Variants in MYO16 observed in about 807,000 individuals in gnomAD.
MYO16 encodes unconventional myosin-XVI.
A neutral mutation model predicts 205.3 loss-of-function variants in MYO16; 94 were observed. The ratio of observed to expected loss-of-function variants is 0.46; its 90% confidence interval spans 0.39 to 0.54. The LOEUF is 0.54. MYO16 is among the 20% of genes least tolerant of loss of function. MYO16 has a pLI of 0.00. For missense variants in MYO16, 2,315 were observed against 2,387.5 expected, an observed-to-expected ratio of 0.97 and a Z score of 0.63; for synonymous variants, 988 against 954.0, an observed-to-expected ratio of 1.04 and a Z score of -0.66.
chr13:108,833,803 T>G (rs1411884336), intron 9 of MYO16, among the ~76,000 whole-genome samples: 1 of 152,176 alleles, frequency 6.6e-6, no homozygotes, highest in Non-Finnish European at 1.5e-5. Context: ...TGCTGGTATA[T>G]TCTCATCTAT....
chr13:108,524,337 A>G, the MYO16 span, among the ~76,000 whole-genome samples: 1 of 148,900 alleles, frequency 6.7e-6, no homozygotes, highest in Non-Finnish European at 1.5e-5. Flanking sequence ...TAAATAATAA[A>G]AAATAAAGTG....
intron 12 of MYO16, among the ~76,000 whole-genome samples, chr13:108,871,252 T>C (rs968773047): frequency 6.6e-6 from 1 of 152,090 alleles, no homozygotes; most frequent in Non-Finnish European, 1.5e-5. Context: ...CCACTTATTT[T>C]CTTGAACATG....
At chr13:108,938,936 G>A (rs944699454) in intron 16 of MYO16, among the ~76,000 whole-genome samples, 1 of 152,206 alleles carries the variant, frequency 6.6e-6, no homozygotes, top group Non-Finnish European at 1.5e-5. Flanking sequence ...GGCTGGCCAT[G>A]GCTGCAAGAC....
intron 12 of MYO16, among the ~76,000 whole-genome samples, chr13:108,876,321 T>C (rs776189840): frequency 6.6e-6 from 1 of 152,156 alleles, no homozygotes; most frequent in African/African-American, 2.4e-5. Flanking sequence ...TTTTTTCACA[T>C]GTACTTTTGT....
chr13:108,754,830 C>T (rs1170815554), intron 4 of MYO16, among the ~76,000 whole-genome samples: 2 of 152,048 alleles, frequency 1.3e-5, no homozygotes, highest in Non-Finnish European at 2.9e-5. Context: ...TTACAGTGTA[C>T]ATGGTATTAG....
chr13:108,647,755 A>G lies in MYO16; in HGVS notation c.28+17883A>G, dbSNP rs1361496544. Among the ~76,000 whole-genome samples, 3 of 152,242 alleles carry G rather than the reference A, an allele frequency of 2.0e-5. No homozygotes were observed. In the East Asian group the frequency reaches 5.8e-4, roughly 29 times the overall value. ...TAGATATAGGTATATTTCAGTGACT[A>G]TCTTCTTTATCCTACTTGGTAAACA... On this transcript the variant is annotated intron_variant, in intron 1 of 34. Coordinates refer to ENST00000457511, the MANE Select transcript of MYO16 (RefSeq NM_001198950.3).
chr13:108,582,064 C>T, the MYO16 span, among the ~76,000 whole-genome samples: 3 of 151,946 alleles, frequency 2.0e-5, no homozygotes, highest in African/African-American at 7.3e-5. Context: ...AATGTATTTT[C>T]TATGTATCAT....
At chr13:108,979,687 A>T (rs1175803555) in intron 20 of MYO16, among the ~76,000 whole-genome samples, 1 of 152,074 alleles carries the variant, frequency 6.6e-6, no homozygotes, top group African/African-American at 2.4e-5. Flanking sequence ...TTACCAAAAT[A>T]CCCATATGTA....
At chr13:109,196,147 A>C (rs1188143049) in intron 34 of MYO16, among the ~76,000 whole-genome samples, 1 of 152,180 alleles carries the variant, frequency 6.6e-6, no homozygotes. Flanking sequence ...TTCTTATCTA[A>C]TTGATGTCTC....
intron 12 of MYO16, among the ~76,000 whole-genome samples, chr13:108,873,527 C>T (rs1194625121): frequency 1.3e-5 from 2 of 152,252 alleles, no homozygotes; most frequent in Admixed American, 6.5e-5. Flanking sequence ...TGATCTGACA[C>T]TAACAACCAC....
chr13:108,668,509 A>C (rs544518328), intron 2 of MYO16, among the ~76,000 whole-genome samples: 1 of 152,330 alleles, frequency 6.6e-6, no homozygotes, highest in Admixed American at 6.5e-5. Context: ...GAGGTGAGGT[A>C]TGGGCTTCGG....
chr13:108,592,803 G>A (rs1016740775), upstream of MYO16, among the ~76,000 whole-genome samples: 2 of 151,190 alleles, frequency 1.3e-5, no homozygotes, highest in East Asian at 2.0e-4. Flanking sequence ...GCTTTGATAC[G>A]AGCACAGGGC....
At chr13:108,671,736 A>C (rs1030374609) in intron 2 of MYO16, among the ~76,000 whole-genome samples, 2 of 152,200 alleles carry the variant, frequency 1.3e-5, no homozygotes, top group African/African-American at 4.8e-5. Flanking sequence ...TTCTGAAGAC[A>C]GGGAAGTCCA....
At chr13:108,926,719 C>T (rs1049736890) in intron 16 of MYO16, among the ~76,000 whole-genome samples, 6 of 152,076 alleles carry the variant, frequency 3.9e-5, no homozygotes, top group East Asian at 1.9e-4. Context: ...GCAGTGCCAT[C>T]GACATTCACC....
intron 33 of MYO16, among the ~76,000 whole-genome samples, 197 bp downstream of exon 33, chr13:109,165,256 C>A (rs778961116): frequency 1.3e-5 from 2 of 152,138 alleles, no homozygotes; most frequent in Non-Finnish European, 2.9e-5. Context: ...TCTATTCACT[C>A]CTTGTTGACT....
intron 1 of MYO16, among the ~76,000 whole-genome samples, chr13:108,598,012 C>A (rs1157137205): frequency 6.6e-6 from 1 of 152,106 alleles, no homozygotes; most frequent in African/African-American, 2.4e-5. Context: ...TCCACCATTC[C>A]CTATCCACGG....
chr13:109,199,020 C>T (rs567926441), intron 34 of MYO16, among the ~76,000 whole-genome samples: 3 of 151,746 alleles, frequency 2.0e-5, no homozygotes, highest in South Asian at 4.2e-4. Context: ...CACTTGTCTA[C>T]GTCAAATCCT....
At chr13:109,191,063 A>G (rs1407815337) in intron 34 of MYO16, among the ~76,000 whole-genome samples, 2 of 151,990 alleles carry the variant, frequency 1.3e-5, no homozygotes, top group Non-Finnish European at 2.9e-5. Context: ...TACTAAAAAT[A>G]CAAAAATTAG....
chr13:108,608,281 G>T (rs1330426184), intron 1 of MYO16, among the ~76,000 whole-genome samples: 1 of 152,114 alleles, frequency 6.6e-6, no homozygotes, highest in African/African-American at 2.4e-5. Context: ...TTCTGCCTTT[G>T]CCCTGCTCCC....
Sources: allele counts gnomAD v4.1 joint callset (sites outside exome capture counted in the v4.1 genomes callset), GRCh38; gene constraint gnomAD v4.1.1; transcripts MANE v1.5; gene names NCBI Gene and HGNC (gene_info 2026-07-23, HGNC 2026-07-21).